CADM2: variants seen among roughly 807,000 people sequenced by gnomAD.
CADM2 encodes the protein cell adhesion molecule 2, also known as immunoglobulin superfamily member 4D.
Under a neutral mutation model 49.8 loss-of-function variants are expected in CADM2, and 12 were observed. The ratio of observed to expected loss-of-function variants is 0.24; its 90% CI spans 0.15 to 0.39. The LOEUF (loss-of-function observed/expected upper bound fraction) is 0.39, where lower values mean the gene tolerates loss of function less well. Among genes scored for constraint, CADM2 ranks in the 10% least tolerant of loss-of-function variants. The pLI is 1.00. For synonymous variants in CADM2, 214 were observed against 175.4 expected (o/e 1.22, Z -1.74); for missense variants, 378 against 492.3 (o/e 0.77, Z 2.20).
chr3:85,717,282 T>C (rs2067328109), intron 1 of CADM2, among the ~76,000 whole-genome samples: 1 of 152,192 alleles, frequency 6.6e-6, no homozygotes, highest in African/African-American at 2.4e-5. Context: ...TTGCTCATGA[T>C]TTGGCTCTCT....
At chr3:85,082,338 C>A (rs2037196079) in intron 1 of CADM2, among the ~76,000 whole-genome samples, 1 of 152,102 alleles carries the variant, frequency 6.6e-6, no homozygotes, top group Admixed American at 6.6e-5. Flanking sequence ...TATTTAACTG[C>A]ACATATACTT....
At chr3:86,015,321 A>C (rs765272288) in intron 8 of CADM2, among the ~76,000 whole-genome samples, 35 of 152,292 alleles carry the variant, frequency 2.3e-4, no homozygotes, top group Middle Eastern at 3.4e-3. Context: ...AGAAGAGAAC[A>C]TTGAAAGTGC....
At chr3:85,601,157 TATATATATATATATATACACAC>T (rs2063388228) in intron 1 of CADM2, among the ~76,000 whole-genome samples, 1 of 106,402 alleles carries the variant, frequency 9.4e-6, no homozygotes, top group African/African-American at 3.4e-5. Context: ...TATATATATA[TATATATATATATATATACACAC>T]ACACACACAC....
chr3:85,160,932 C>G (rs1244747209), intron 1 of CADM2, among the ~76,000 whole-genome samples: 1 of 152,138 alleles, frequency 6.6e-6, no homozygotes, highest in African/African-American at 2.4e-5. Flanking sequence ...CCTATCTTAT[C>G]AGCCAGTTTT....
intron 1 of CADM2, among the ~76,000 whole-genome samples, chr3:85,448,359 T>C (rs989865497): frequency 1.3e-5 from 2 of 149,542 alleles, no homozygotes; most frequent in Non-Finnish European, 3.0e-5. Context: ...AAAAAAATCC[T>C]AGCAAATATA....
chr3:85,448,249 C>T (rs1047163365), intron 1 of CADM2, among the ~76,000 whole-genome samples: 2 of 149,062 alleles, frequency 1.3e-5, no homozygotes, highest in Admixed American at 1.4e-4. Context: ...AGGAGAATGG[C>T]GAGAACCCGG....
chr3:85,002,579 A>T (rs111623209), intron 1 of CADM2, among the ~76,000 whole-genome samples: 3,939 of 151,700 alleles, frequency 0.026, 161 homozygotes, highest in African/African-American at 0.091. Context: ...TAGAGTAAAT[A>T]ATTATTATTT....
intron 1 of CADM2, among the ~76,000 whole-genome samples, chr3:85,692,564 T>G (rs1386303605): frequency 6.6e-6 from 1 of 152,228 alleles, no homozygotes; most frequent in African/African-American, 2.4e-5. Flanking sequence ...TGAATTTTAA[T>G]TAACTTTTCC....
At chr3:85,448,022 G>T (rs2107559765) in intron 1 of CADM2, among the ~76,000 whole-genome samples, 1 of 152,196 alleles carries the variant, frequency 6.6e-6, no homozygotes, top group South Asian at 2.1e-4. Flanking sequence ...GATGATGATG[G>T]TTTAATTGCA....
intron 1 of CADM2, among the ~76,000 whole-genome samples, chr3:85,274,512 T>C (rs558776136): frequency 6.6e-6 from 1 of 151,484 alleles, no homozygotes; most frequent in African/African-American, 2.4e-5. Flanking sequence ...ATGAATGGAT[T>C]CAAGATGGGA....
chr3:85,084,663 G>A (rs2037303321), intron 1 of CADM2, among the ~76,000 whole-genome samples: 1 of 152,056 alleles, frequency 6.6e-6, no homozygotes, highest in Non-Finnish European at 1.5e-5. Flanking sequence ...ATTACTTAAA[G>A]TAAATTCACC....
intron 1 of CADM2, among the ~76,000 whole-genome samples, chr3:85,477,745 C>T (rs964272561): frequency 5.3e-5 from 8 of 151,800 alleles, no homozygotes; most frequent in African/African-American, 1.7e-4. Context: ...TTCCTCTCAC[C>T]TTCTGTAGGG....
chr3:85,329,528 C>G (rs547736375), intron 1 of CADM2, among the ~76,000 whole-genome samples: 1 of 151,832 alleles, frequency 6.6e-6, no homozygotes, highest in African/African-American at 2.4e-5. Flanking sequence ...CGAGATTGCA[C>G]GGAGCCGAGA....
At chr3:85,548,447 C>T (rs967399049) in intron 1 of CADM2, among the ~76,000 whole-genome samples, 2 of 151,770 alleles carry the variant, frequency 1.3e-5, no homozygotes, top group African/African-American at 4.8e-5. Flanking sequence ...GAGAAATTTG[C>T]AGTAGTAAGA....
intron 1 of CADM2, among the ~76,000 whole-genome samples, chr3:85,112,019 A>G (rs2038477433): frequency 6.6e-6 from 1 of 151,942 alleles, no homozygotes; most frequent in Non-Finnish European, 1.5e-5. Flanking sequence ...ATTTCTAAGT[A>G]CAACGTCTTC....
intron 1 of CADM2, among the ~76,000 whole-genome samples, chr3:85,167,861 A>G (rs1301031545): frequency 6.6e-6 from 1 of 152,098 alleles, no homozygotes; most frequent in African/African-American, 2.4e-5. Context: ...TCACTCATTA[A>G]CTACACATTC....
chr3:85,799,583 G>C lies in CADM2; in HGVS notation c.89-2464G>C, dbSNP rs183460638. On this transcript the variant is annotated intron_variant, in intron 2 of 9. Transcript: ENST00000383699. Reference sequence around the variant, plus strand: ...TGTGATGGATTACATTTATTGATTTGAGTATGTTGAACCAGACTTGCATCC... The same window carrying C: ...TGTGATGGATTACATTTATTGATTTCAGTATGTTGAACCAGACTTGCATCC... Among the ~76,000 whole-genome samples the C allele has an allele frequency of 3.6e-3, 551 of 152,288 alleles. 1 individual carries two copies. The highest frequency in any genetic ancestry group is 5.7e-3 in the Non-Finnish European group (387 of 68,012).
intron 8 of CADM2, among the ~76,000 whole-genome samples, chr3:85,980,633 G>T (rs1207147481): frequency 6.6e-6 from 1 of 151,372 alleles, no homozygotes; most frequent in Non-Finnish European, 1.5e-5. Context: ...GAGACATAAT[G>T]AAAATGAAGA....
At chr3:85,500,074 G>C (rs1418562228) in intron 1 of CADM2, among the ~76,000 whole-genome samples, 1 of 152,126 alleles carries the variant, frequency 6.6e-6, no homozygotes, top group African/African-American at 2.4e-5. Flanking sequence ...GTTGTGAATA[G>C]AGTCCCAAAA....
Sources: allele counts gnomAD v4.1 joint callset (sites outside exome capture counted in the v4.1 genomes callset), GRCh38; gene constraint gnomAD v4.1.1; transcripts MANE v1.5; gene names NCBI Gene and HGNC (gene_info 2026-07-23, HGNC 2026-07-21).